Variants in BDP1 observed in about 807,000 individuals in gnomAD.
The protein encoded by BDP1 is BDP1 general transcription factor IIIB subunit.
BDP1 carries 169 observed loss-of-function variants against 266.6 expected under a neutral mutation model. The ratio of observed to expected loss-of-function variants is 0.63; its 90% CI spans 0.56 to 0.72. The LOEUF is 0.72. Among genes scored for constraint, BDP1 ranks in the 30% least tolerant of loss-of-function variants. The probability of loss-of-function intolerance (pLI) is 0.00; values close to 1 mark genes in which losing one functional copy is unlikely to be tolerated. For missense variants in BDP1, 3,015 were observed against 3,053.8 expected (o/e 0.99, Z 0.30); for synonymous variants, 1,090 against 1,022.4 (o/e 1.07, Z -1.26).
intron 35 of BDP1, among the ~76,000 whole-genome samples, chr5:71,556,483 A>G (rs930247403): frequency 2.0e-5 from 3 of 152,148 alleles, no homozygotes; most frequent in Admixed American, 6.5e-5. Context: ...AAGAATGAAT[A>G]TCATTGGGTA....
chr5:71,466,001 A>G (rs1460614409), intron 4 of BDP1, 95 bp from the exon 5 acceptor site: 38 of 1,310,070 alleles, frequency 2.9e-5, no homozygotes, highest in Non-Finnish European at 3.9e-5. Context: ...GGAAATAGCT[A>G]GAAGGTTGAG....
In BDP1 at chr5:71,545,211, G is replaced by T. The variant is rs767374589; in HGVS notation, c.6736G>T (p.Val2246Leu). ...SKGDSVLTLP[V>L]PEYTPTSIPE... ...AGGAGACAGTGTGCTTACACTTCCT[G>T]TGCCAGAGGTAAAAGAATGTACAGT... The change falls in exon 32 of 39, where the codon GTG becomes TTG. Residue 2246 changes from valine (V) to leucine (L), a missense_variant. By Grantham distance (32) the Val-to-Leu change is conservative. This residue lies in a region of BDP1 where 629 missense variants were observed against 632.5 expected (regional missense o/e 0.99). Coordinates refer to ENST00000358731, the MANE Select transcript of BDP1 (RefSeq NM_018429.3). The T allele has an allele frequency of 6.2e-7, 1 of 1,612,648 alleles. No individual in the cohort carries two copies. Among genetic ancestry groups the T allele is most frequent in the South Asian group, 1.1e-5 (1 of 90,820 alleles).
chr5:71,552,055 T>A (rs1278713161), intron 34 of BDP1, among the ~76,000 whole-genome samples: 1 of 143,630 alleles, frequency 7.0e-6, no homozygotes, highest in Non-Finnish European at 1.5e-5. Flanking sequence ...CGCTCCTCAC[T>A]TCCCAGACGG....
chr5:71,486,358 G>T (rs1276791569), intron 8 of BDP1, 126 bp from the exon 9 acceptor site: 2 of 711,206 alleles, frequency 2.8e-6, no homozygotes, highest in Non-Finnish European at 2.2e-6. Flanking sequence ...GTTCTGTTGT[G>T]TATTTGTTTT....
intron 22 of BDP1, among the ~76,000 whole-genome samples, chr5:71,520,730 G>A (rs1765451326): frequency 6.6e-6 from 1 of 152,134 alleles, no homozygotes; most frequent in African/African-American, 2.4e-5. Context: ...AAAAAATGCT[G>A]TCACTGTGGA....
At chr5:71,515,991 T>A in intron 20 of BDP1, 70 bp from the exon 21 acceptor site, 1 of 1,115,552 alleles carries the variant, frequency 9.0e-7, no homozygotes, top group Non-Finnish European at 1.3e-6. Context: ...ATCCAAATTT[T>A]ACATTTTTAC....
chr5:71,498,099 C>A (rs1764002548), intron 13 of BDP1, among the ~76,000 whole-genome samples: 1 of 151,752 alleles, frequency 6.6e-6, no homozygotes, highest in Non-Finnish European at 1.5e-5. Context: ...TGCAGGTGCC[C>A]ACCACCATGC....
Position 71,463,930 on chromosome 5 carries a change from C to T in BDP1, c.600-128C>T, listed in dbSNP as rs76232631. The T allele has an allele frequency of 5.5e-3, 3,245 of 586,278 alleles. 66 individuals are homozygous for T. The highest frequency in any genetic ancestry group is 0.055 in the African/African-American group (2,872 of 52,338). 36.3% of individuals were successfully genotyped at this position (586,278 alleles called of 1,614,324 possible). A position where few individuals can be genotyped will look rare whatever the true frequency, so the allele number is the denominator to read the frequency against. On this transcript the variant is annotated intron_variant, in intron 3 of 38. Transcript: ENST00000358731. ...AAAGTTGATTGTTGGATTGTACTGT[C>T]ATTAACGAAATGCTGTGATATATCA...
downstream of BDP1, among the ~76,000 whole-genome samples, chr5:71,572,295 T>C (rs1744291382): frequency 6.6e-6 from 1 of 151,340 alleles, no homozygotes; most frequent in Non-Finnish European, 1.5e-5. Flanking sequence ...TATTCCCGCA[T>C]TCATCCCCCT....
intron 8 of BDP1, 87 bp downstream of exon 8, chr5:71,483,983 G>T: frequency 8.8e-7 from 1 of 1,141,188 alleles, no homozygotes; most frequent in South Asian, 1.4e-5. Context: ...GTGTGTTTTA[G>T]ATTTGTTTTG....
chr5:71,477,439 G>A (rs771392847), intron 7 of BDP1, among the ~76,000 whole-genome samples: 1 of 152,192 alleles, frequency 6.6e-6, no homozygotes, highest in Non-Finnish European at 1.5e-5. Context: ...ATGAGACACT[G>A]CACTTAGCCC....
At chr5:71,519,410 C>T (rs1398892640) in intron 22 of BDP1, among the ~76,000 whole-genome samples, 1 of 151,948 alleles carries the variant, frequency 6.6e-6, no homozygotes, top group African/African-American at 2.4e-5. Flanking sequence ...GAACTTATTC[C>T]TTCTATCTAA....
Position 71,509,744 on chromosome 5 carries a change from C to T in BDP1, c.2652C>T (p.Pro884=), listed in dbSNP as rs766417346. Residue 884 remains proline, a synonymous_variant, in exon 17 of 39, where the codon CCC becomes CCT. Transcript: ENST00000358731. The stretch of plus-strand genomic sequence containing the variant: ...AAACTGGAAGAAGAGCCATTTCTCC[C>T]AGGGAGAAGATTCTAGATGTGATTG... ...LKETGRRAIS[P]REKILDVIDD... is the part of the protein sequence containing the mutation. The T allele has an allele frequency of 4.3e-6, 7 of 1,613,886 alleles. No homozygotes were observed. Among genetic ancestry groups the T allele is most frequent in the South Asian group, 2.2e-5 (2 of 91,074 alleles).
At chr5:71,576,033 A>T in the BDP1 span, among the ~76,000 whole-genome samples, 1 of 152,212 alleles carries the variant, frequency 6.6e-6, no homozygotes, top group African/African-American at 2.4e-5. Context: ...AGTCACGACG[A>T]CATCAACCCC....
intron 16 of BDP1, among the ~76,000 whole-genome samples, chr5:71,508,475 T>TA (rs971201882): frequency 3.3e-5 from 5 of 151,138 alleles, no homozygotes; most frequent in African/African-American, 1.2e-4. Context: ...TGACTAATTT[T>TA]TTTTTTTTTT....
chr5:71,497,290 A>G lies in BDP1; in HGVS notation c.1820A>G (p.Asn607Ser), dbSNP rs1354644488. 1 of 1,613,428 alleles carries G rather than the reference A, an allele frequency of 6.2e-7. No individual in the cohort carries two copies. The highest frequency in any genetic ancestry group is 8.5e-7 in the Non-Finnish European group (1 of 1,179,742). Reference protein sequence around the residue: ...NNSLEIDQTENVKPMLRGRFQ... With the variant: ...NNSLEIDQTESVKPMLRGRFQ... ...TTCAGGGAAATTGATCAAACAGAAA[A>G]TGTTAAACCAATGTTGAGAGGTCGC... The change falls in exon 13 of 39, where the codon AAT (asparagine) becomes AGT (serine). Residue 607 changes from asparagine (N) to serine (S), a missense_variant. Around this residue, in one of 3 missense-constraint regions of BDP1, gnomAD observed 2,383 missense variants for 2,404.9 expected, o/e 0.99. Coordinates refer to ENST00000358731, the MANE Select transcript of BDP1 (RefSeq NM_018429.3).
chr5:71,470,316 T>C, intron 6 of BDP1, 79 bp from the exon 7 acceptor site: 1 of 1,090,126 alleles, frequency 9.2e-7, no homozygotes, highest in Non-Finnish European at 1.3e-6. Flanking sequence ...TTAAGTACTG[T>C]CAAATTCTGT....
chr5:71,493,701 C>G (rs1763726456), intron 11 of BDP1, among the ~76,000 whole-genome samples: 1 of 152,134 alleles, frequency 6.6e-6, no homozygotes, highest in South Asian at 2.1e-4. Context: ...TGCTAGTAGA[C>G]TAATTTTCGA....
chr5:71,535,576 T>C (rs1258232276), intron 26 of BDP1, among the ~76,000 whole-genome samples: 1 of 152,152 alleles, frequency 6.6e-6, no homozygotes, highest in Non-Finnish European at 1.5e-5. Flanking sequence ...CAGAGAATTC[T>C]CCAGGCACTT....
Sources: allele counts gnomAD v4.1 joint callset (sites outside exome capture counted in the v4.1 genomes callset), GRCh38; gene constraint gnomAD v4.1.1; regional missense constraint gnomAD v4.1.1; transcripts MANE v1.5; gene names NCBI Gene and HGNC (gene_info 2026-07-23, HGNC 2026-07-21).